KCNN2: variants seen among roughly 807,000 people sequenced by gnomAD.
KCNN2 encodes the protein small conductance calcium-activated potassium channel protein 2.
A neutral mutation model predicts 55.5 loss-of-function variants in KCNN2; 24 were observed. That is an observed-to-expected ratio of 0.43 (90% confidence interval 0.31 to 0.61). KCNN2 has a LOEUF of 0.61. KCNN2 is among the 20% of genes least tolerant of loss of function. The pLI, the probability that KCNN2 is intolerant of heterozygous loss-of-function variation, is 0.08. For synonymous variants in KCNN2, 431 were observed against 336.1 expected (o/e 1.28, Z -3.09); for missense variants, 754 against 853.6 (o/e 0.88, Z 1.45).
rs73782225 is a variant in KCNN2, at chr5:114,391,241, C to T, written c.1219-13197C>T. 2.0e-5 allele frequency among the ~76,000 whole-genome samples: 3 copies of T among 152,108 alleles called. 1 individual carries two copies. The highest frequency in any genetic ancestry group is 2.1e-4 in the South Asian group (1 of 4,822). On this transcript the variant is annotated intron_variant, in intron 2 of 7. Transcript: ENST00000673685. ...ATGGCTAATTTTCCCATCTTTATAT[C>T]GCAAGTTATTATTTAATTCATCTAC...
At chr5:114,417,726 T>C (rs1203972604) in intron 3 of KCNN2, among the ~76,000 whole-genome samples, 1 of 152,198 alleles carries the variant, frequency 6.6e-6, no homozygotes, top group Non-Finnish European at 1.5e-5. Context: ...CTAAAACTTT[T>C]GTCTGGCTCT....
At chr5:114,282,778 T>C (rs927576185) in intron 2 of KCNN2, among the ~76,000 whole-genome samples, 1 of 152,192 alleles carries the variant, frequency 6.6e-6, no homozygotes, top group Non-Finnish European at 1.5e-5. Flanking sequence ...ATATCTTTGA[T>C]AGAACCTTCT....
chr5:114,179,976 G>T (rs1194115074), intron 1 of KCNN2, among the ~76,000 whole-genome samples: 2 of 152,006 alleles, frequency 1.3e-5, no homozygotes, highest in African/African-American at 4.8e-5. Flanking sequence ...TTCCCCCTTT[G>T]CTTCAACCTA....
chr5:114,417,702 A>G (rs546199072), intron 3 of KCNN2, among the ~76,000 whole-genome samples: 4 of 152,212 alleles, frequency 2.6e-5, no homozygotes, highest in Admixed American at 2.6e-4. Context: ...GTCAGTAATC[A>G]GTGGTGTAGT....
chr5:114,219,116 T>C (rs1029579640), intron 1 of KCNN2, among the ~76,000 whole-genome samples: 1 of 152,192 alleles, frequency 6.6e-6, no homozygotes, highest in African/African-American at 2.4e-5. Flanking sequence ...GGGAGTGAAC[T>C]CTTTGCAGGC....
intron 3 of KCNN2, among the ~76,000 whole-genome samples, chr5:114,424,734 G>A (rs1029181711): frequency 2.0e-5 from 3 of 152,206 alleles, no homozygotes; most frequent in African/African-American, 2.4e-5. Context: ...TACTGAGAGA[G>A]TAGGACCAAG....
At chr5:114,226,763 T>C (rs767618840) in intron 2 of KCNN2, among the ~76,000 whole-genome samples, 12 of 151,938 alleles carry the variant, frequency 7.9e-5, no homozygotes, top group Non-Finnish European at 1.5e-4. Flanking sequence ...CAACCGGGCA[T>C]GGTGGCGGGC....
intron 3 of KCNN2, among the ~76,000 whole-genome samples, chr5:114,421,448 GC>G (rs1759468405): frequency 1.3e-5 from 2 of 151,940 alleles, no homozygotes; most frequent in South Asian, 4.2e-4. Context: ...CTGCCACCAT[GC>G]CCGGCTAATT....
At chr5:114,311,409 G>A (rs1379013605) in intron 2 of KCNN2, among the ~76,000 whole-genome samples, 2 of 152,170 alleles carry the variant, frequency 1.3e-5, no homozygotes, top group African/African-American at 4.8e-5. Context: ...AACCATGGAT[G>A]TGGAACCTAT....
At chr5:114,448,614 A>G (rs1760516076) in intron 3 of KCNN2, among the ~76,000 whole-genome samples, 1 of 152,200 alleles carries the variant, frequency 6.6e-6, no homozygotes, top group Non-Finnish European at 1.5e-5. Context: ...AATCATCTTC[A>G]TCTGAGAACT....
intron 1 of KCNN2, among the ~76,000 whole-genome samples, chr5:114,138,606 T>A (rs771265183): frequency 2.0e-5 from 3 of 152,202 alleles, no homozygotes; most frequent in Non-Finnish European, 4.4e-5. Context: ...GAATATCCAA[T>A]AACACTGTTA....
chr5:114,208,818 T>C (rs913671963), intron 1 of KCNN2, among the ~76,000 whole-genome samples: 4 of 152,144 alleles, frequency 2.6e-5, no homozygotes, highest in African/African-American at 9.7e-5. Context: ...CACCAACCTC[T>C]TCTCATCCAC....
chr5:114,158,256 A>G (rs1433278537), intron 1 of KCNN2, among the ~76,000 whole-genome samples: 6 of 152,350 alleles, frequency 3.9e-5, no homozygotes, highest in African/African-American at 1.4e-4. Context: ...TTTGTTAAGT[A>G]GGGAATCCTT....
intron 2 of KCNN2, among the ~76,000 whole-genome samples, chr5:114,372,221 C>T (rs376898972): frequency 6.6e-6 from 1 of 152,086 alleles, no homozygotes; most frequent in Admixed American, 6.6e-5. Context: ...GGATACCTGT[C>T]GTTGACACAT....
intron 2 of KCNN2, among the ~76,000 whole-genome samples, chr5:114,264,856 C>CG (rs1755177920): frequency 6.6e-6 from 1 of 152,232 alleles, no homozygotes; most frequent in Non-Finnish European, 1.5e-5. Flanking sequence ...TCCCAGGAAG[C>CG]CTGCTGTCCT....
intron 1 of KCNN2, among the ~76,000 whole-genome samples, chr5:114,093,777 C>G (rs1751197277): frequency 6.6e-6 from 1 of 152,134 alleles, no homozygotes; most frequent in Non-Finnish European, 1.5e-5. Context: ...ATGTGGAAAA[C>G]CACCCCCATG....
chr5:114,069,463 T>TC (rs1750521489), intron 1 of KCNN2, among the ~76,000 whole-genome samples: 1 of 152,178 alleles, frequency 6.6e-6, no homozygotes, highest in Non-Finnish European at 1.5e-5. Flanking sequence ...CTTTAAGCCT[T>TC]CAACTATAGA....
At chr5:114,487,389 A>G (rs1404005196) in intron 6 of KCNN2, among the ~76,000 whole-genome samples, 1 of 152,208 alleles carries the variant, frequency 6.6e-6, no homozygotes, top group African/African-American at 2.4e-5. Flanking sequence ...TAGTACTAGA[A>G]TATTTATTAA....
At chr5:114,197,851 C>G (rs964524742) in intron 1 of KCNN2, among the ~76,000 whole-genome samples, 5 of 152,166 alleles carry the variant, frequency 3.3e-5, no homozygotes, top group Non-Finnish European at 7.4e-5. Flanking sequence ...CAGGTCATGG[C>G]TCAAATGCCA....
Sources: gnomAD v4.1 joint callset for allele counts (sites outside exome capture counted in the v4.1 genomes callset) on GRCh38, gnomAD v4.1.1 for gene constraint, MANE v1.5 for transcripts, NCBI Gene and HGNC (gene_info 2026-07-23, HGNC 2026-07-21) for gene names.